Variants in PIBF1 observed in about 807,000 individuals in gnomAD.
PIBF1 encodes progesterone-induced-blocking factor 1.
In PIBF1, 90 loss-of-function variants were observed where a neutral mutation model predicts 112.5. That is an observed-to-expected ratio of 0.80 (90% CI 0.67 to 0.95). PIBF1 has a LOEUF of 0.95. Ranked by LOEUF, PIBF1 falls within the 40% of genes least tolerant of loss-of-function variation. The pLI, the probability that PIBF1 is intolerant of heterozygous loss-of-function variation, is 0.00. For missense variants in PIBF1, 915 were observed against 852.3 expected (o/e 1.07, Z -0.92); for synonymous variants, 301 against 288.6 (o/e 1.04, Z -0.44).
chr13:72,842,759 A>G (rs1257964108), intron 9 of PIBF1, among the ~76,000 whole-genome samples: 2 of 152,220 alleles, frequency 1.3e-5, no homozygotes, highest in South Asian at 2.1e-4. Context: ...TCTTCCATGG[A>G]AAAATTTAAT....
intron 2 of PIBF1, among the ~76,000 whole-genome samples, chr13:72,788,435 G>A (rs1593881501): frequency 1.3e-5 from 2 of 152,152 alleles, no homozygotes; most frequent in East Asian, 1.9e-4. Context: ...CCAAAAATAG[G>A]TATTTTAGTA....
At chr13:72,917,229 T>C (rs1183526496) in intron 13 of PIBF1, 63 bp downstream of exon 13, 6 of 976,054 alleles carry the variant, frequency 6.1e-6, no homozygotes, top group Admixed American at 2.6e-5. Flanking sequence ...CATTTGTGCT[T>C]TCTGATAATG....
intron 15 of PIBF1, among the ~76,000 whole-genome samples, chr13:72,972,085 A>G (rs2138937514): frequency 6.6e-6 from 1 of 151,592 alleles, no homozygotes; most frequent in African/African-American, 2.4e-5. Flanking sequence ...CCCAGGCTGG[A>G]ATACAGTGGA....
At chr13:72,961,058 T>G (rs967382491) in intron 14 of PIBF1, among the ~76,000 whole-genome samples, 1 of 151,752 alleles carries the variant, frequency 6.6e-6, no homozygotes, top group South Asian at 2.1e-4. Context: ...AATTTTTTTT[T>G]GAAGATTTTT....
intron 1 of PIBF1, among the ~76,000 whole-genome samples, chr13:72,782,912 G>GTGTT (rs2034368381): frequency 6.6e-6 from 1 of 151,158 alleles, no homozygotes; most frequent in African/African-American, 2.4e-5. Flanking sequence ...GTGTGTTTGT[G>GTGTT]TTTGTGTTGG....
intron 11 of PIBF1, among the ~76,000 whole-genome samples, chr13:72,896,284 G>A (rs1035209507): frequency 6.6e-6 from 1 of 152,110 alleles, no homozygotes; most frequent in African/African-American, 2.4e-5. Context: ...ACTTCGTGAG[G>A]AACAAAAGAA....
In PIBF1 at chr13:72,902,895, A is replaced by G. The variant is rs1594160718; in HGVS notation, c.1489-5636A>G. ...ATACATAGAAAAACATTTGAAGGAA[A>G]TAAATCTTTTTTTTTTTTTTGAGAC... On this transcript the variant is annotated intron_variant, in intron 11 of 17. Transcript: ENST00000326291. 2.0e-5 allele frequency among the ~76,000 whole-genome samples: 3 copies of G among 150,824 alleles called. No individual in the cohort carries two copies. The Admixed American group carries it at 2.0e-4, about 10-fold the overall frequency.
intron 2 of PIBF1, among the ~76,000 whole-genome samples, chr13:72,791,097 C>G (rs552758051): frequency 1.3e-5 from 2 of 152,274 alleles, no homozygotes; most frequent in South Asian, 2.1e-4. Context: ...CTCTGTCGCC[C>G]AGGCTGGAGT....
intron 16 of PIBF1, among the ~76,000 whole-genome samples, chr13:72,982,471 C>G (rs904285284): frequency 6.6e-6 from 1 of 151,968 alleles, no homozygotes; most frequent in Non-Finnish European, 1.5e-5. Context: ...AAAATATTAT[C>G]TATCCTTTGA....
intron 11 of PIBF1, among the ~76,000 whole-genome samples, chr13:72,907,091 G>C (rs2040728280): frequency 6.6e-6 from 1 of 151,950 alleles, no homozygotes; most frequent in African/African-American, 2.4e-5. Flanking sequence ...TGTTTTTTCT[G>C]ACCCAACCAG....
chr13:72,916,922 C>G (rs1318548713), intron 12 of PIBF1, among the ~76,000 whole-genome samples, 154 bp from the exon 13 acceptor site: 2 of 152,110 alleles, frequency 1.3e-5, no homozygotes, highest in Non-Finnish European at 2.9e-5. Flanking sequence ...AAATATGTTT[C>G]TACTTACAAA....
chr13:72,911,372 C>G (rs999891574), intron 12 of PIBF1, among the ~76,000 whole-genome samples: 1 of 151,546 alleles, frequency 6.6e-6, no homozygotes, highest in African/African-American at 2.4e-5. Context: ...ACAAAGGCAG[C>G]AAAGCAAACA....
intron 16 of PIBF1, among the ~76,000 whole-genome samples, chr13:72,983,236 G>A (rs1038287506): frequency 3.3e-5 from 5 of 151,978 alleles, no homozygotes; most frequent in African/African-American, 1.2e-4. Context: ...GGAGGTCAAG[G>A]CTGCAGTGAG....
In PIBF1 at chr13:72,973,600, TAAAGA is replaced by T. The variant is rs2042952881; in HGVS notation, c.1979_1983del (p.Glu660ValfsTer22). 1.9e-6 allele frequency: 3 copies of T among 1,545,772 alleles called. No individual in the cohort carries two copies. The highest frequency in any genetic ancestry group is 2.6e-6 in the Non-Finnish European group (3 of 1,143,832). On this transcript the variant is annotated frameshift_variant, in exon 16 of 18. Coordinates refer to ENST00000326291, the MANE Select transcript of PIBF1 (RefSeq NM_006346.4). LOFTEE classifies it high-confidence loss of function. ...GGGTTTTTTTTTTCAGCAACTTAAA[TAAAGA>T]AAAGTCAGCTTTACTACAGACGAAG... is the stretch of plus-strand genomic sequence containing the variant.
At position 72,823,376 on chromosome 13, in the gene PIBF1, A is replaced by C. The variant is rs183671299; in HGVS notation, c.806+1394A>C. Among the ~76,000 whole-genome samples the C allele has an allele frequency of 3.3e-4, 50 of 152,270 alleles. 1 individual carries two copies. The highest frequency in any genetic ancestry group is 5.9e-4 in the Non-Finnish European group (40 of 68,016). ...ATTTTTACATATGTTTTCATTTACTATAATAAAAACCTAGGAAAGAAAAAT... is the reference window on the plus strand; with the variant it reads ...ATTTTTACATATGTTTTCATTTACTCTAATAAAAACCTAGGAAAGAAAAAT... On this transcript the variant is annotated intron_variant, in intron 6 of 17. Coordinates refer to ENST00000326291, the MANE Select transcript of PIBF1 (RefSeq NM_006346.4).
chr13:73,015,857 T>A lies in PIBF1; in HGVS notation c.2224-12T>A, dbSNP rs1319535774. On this transcript the variant is annotated splice_polypyrimidine_tract_variant and intron_variant, in intron 17 of 17. Transcript: ENST00000326291. ...GCATTTTATTGGATTTTCTTTTTCT[T>A]TTTTTAAACAGACTAAAAAAGAAGC... The A allele has an allele frequency of 6.5e-7, 1 of 1,539,856 alleles. No individual in the cohort carries two copies. The highest frequency in any genetic ancestry group is 2.3e-5 in the East Asian group (1 of 43,542).
chr13:72,798,290 C>T (rs1464854103), intron 5 of PIBF1, among the ~76,000 whole-genome samples: 2 of 152,102 alleles, frequency 1.3e-5, no homozygotes, highest in Non-Finnish European at 2.9e-5. Flanking sequence ...TTTTGAAATC[C>T]TAATATGGGC....
At chr13:72,969,452 G>A (rs1230127713) in intron 15 of PIBF1, among the ~76,000 whole-genome samples, 1 of 152,124 alleles carries the variant, frequency 6.6e-6, no homozygotes, top group East Asian at 1.9e-4. Flanking sequence ...CACAGGATAT[G>A]AAATCTTATT....
At chr13:72,838,920 A>T (rs2037479992) in intron 9 of PIBF1, among the ~76,000 whole-genome samples, 1 of 152,214 alleles carries the variant, frequency 6.6e-6, no homozygotes, top group Admixed American at 6.5e-5. Context: ...AAGCTTTTTG[A>T]ACAAACTAAT....
Sources: gnomAD v4.1 joint callset for allele counts (sites outside exome capture counted in the v4.1 genomes callset) on GRCh38, gnomAD v4.1.1 for gene constraint, MANE v1.5 for transcripts, NCBI Gene and HGNC (gene_info 2026-07-23, HGNC 2026-07-21) for gene names.